Variants in OXCT1 observed in about 807,000 individuals in gnomAD.
OXCT1 encodes the protein 3-oxoacid CoA-transferase 1, also known as succinyl-CoA:3-ketoacid coenzyme A transferase 1, mitochondrial.
A neutral mutation model predicts 69.6 loss-of-function variants in OXCT1; 27 were observed. That is an observed-to-expected ratio of 0.39 (90% CI 0.29 to 0.54). OXCT1 has a LOEUF of 0.54. Ranked by LOEUF, OXCT1 falls within the 20% of genes least tolerant of loss-of-function variation. The pLI, the probability that OXCT1 is intolerant of heterozygous loss-of-function variation, is 0.72. For missense variants in OXCT1, 437 were observed against 650.2 expected (o/e 0.67, Z 3.57); for synonymous variants, 202 against 217.8 (o/e 0.93, Z 0.64).
chr5:41,787,153 T>G (rs904145097), intron 13 of OXCT1, among the ~76,000 whole-genome samples: 1 of 152,214 alleles, frequency 6.6e-6, no homozygotes, highest in Non-Finnish European at 1.5e-5. Flanking sequence ...CTGTGATATA[T>G]CAAAATCCCT....
intron 7 of OXCT1, among the ~76,000 whole-genome samples, chr5:41,811,727 A>G (rs774760395): frequency 5.3e-5 from 8 of 152,048 alleles, no homozygotes; most frequent in Non-Finnish European, 1.2e-4. Flanking sequence ...GCAACCTTTA[A>G]AATGGTGGTA....
At chr5:41,749,708 T>C in intron 14 of OXCT1, 101 bp from the exon 15 acceptor site, 1 of 779,962 alleles carries the variant, frequency 1.3e-6, no homozygotes, top group Non-Finnish European at 2.2e-6. Flanking sequence ...AGAAATTGTC[T>C]CCTAAGTAAA....
intron 3 of OXCT1, 145 bp from the exon 4 acceptor site, chr5:41,853,699 C>G (rs1450359547): frequency 3.4e-6 from 3 of 892,710 alleles, no homozygotes; most frequent in Non-Finnish European, 5.3e-6. Context: ...CTCCCATAAC[C>G]CCAAAACTTT....
At chr5:41,768,551 A>G (rs1744726552) in intron 13 of OXCT1, among the ~76,000 whole-genome samples, 1 of 152,150 alleles carries the variant, frequency 6.6e-6, no homozygotes, top group Non-Finnish European at 1.5e-5. Flanking sequence ...ATGGCCAATC[A>G]TCCACCTCAA....
chr5:41,803,186 TC>T, intron 9 of OXCT1, 23 bp from the exon 10 acceptor site: 2 of 1,473,734 alleles, frequency 1.4e-6, no homozygotes, highest in Non-Finnish European at 1.9e-6. Flanking sequence ...GATGTTAAGG[TC>T]CAGCATATAA....
chr5:41,850,342 A>G (rs1234187216), intron 4 of OXCT1, among the ~76,000 whole-genome samples, 163 bp from the exon 5 acceptor site: 4 of 152,188 alleles, frequency 2.6e-5, no homozygotes, highest in African/African-American at 7.2e-5. Context: ...TAGAAGATCA[A>G]TTTTAAGAAG....
chr5:41,786,745 C>T (rs1745659127), intron 13 of OXCT1, among the ~76,000 whole-genome samples: 1 of 152,204 alleles, frequency 6.6e-6, no homozygotes, highest in Non-Finnish European at 1.5e-5. Context: ...TTCTATCCCA[C>T]ATTTAGAGCT....
chr5:41,844,287 T>C lies in OXCT1; in HGVS notation c.565-1506A>G, dbSNP rs575263292. On this transcript the variant is annotated intron_variant, in intron 5 of 16. Coordinates refer to ENST00000196371, the MANE Select transcript of OXCT1 (RefSeq NM_000436.4). ...TTTCTTGAATCTAATGAGATTTTCA[T>C]CCCCTCTATTCCAAAAAGGAATAAT... Among the ~76,000 whole-genome samples, 297 of 152,312 alleles carry C rather than the reference T, an allele frequency of 1.9e-3. 1 individual carries two copies. Among genetic ancestry groups the C allele is most frequent in the Non-Finnish European group, 3.5e-3 (237 of 68,040 alleles).
rs776233135 is a variant in OXCT1 at position 41,861,324 on chromosome 5, T to C, written c.268A>G (p.Asn90Asp). Residue 90 changes from asparagine to aspartate, a missense_variant, in exon 3 of 17, where the codon AAC becomes GAC. Asn to Asp is a conservative substitution (Grantham distance 23). Transcript: ENST00000196371. ...TGVKGLTAVSNNAGVDNFGLG... is the reference protein window; with the variant it reads ...TGVKGLTAVSDNAGVDNFGLG... ...AAAATGCACACTTACCCTGCATTGT[T>C]GCTGACTGCAGTTAGTCCTTTTACT... 1 of 1,599,016 alleles carries C rather than the reference T, an allele frequency of 6.3e-7. No individual in the cohort carries two copies. The highest frequency in any genetic ancestry group is 8.6e-7 in the Non-Finnish European group (1 of 1,166,512).
At chr5:41,868,708 G>GC (rs1750125678) in intron 1 of OXCT1, among the ~76,000 whole-genome samples, 1 of 151,122 alleles carries the variant, frequency 6.6e-6, no homozygotes, top group African/African-American at 2.4e-5. Context: ...GGGCGACAGA[G>GC]CGAGACTCCG....
chr5:41,780,039 A>T (rs1433359927), intron 13 of OXCT1, among the ~76,000 whole-genome samples: 1 of 152,176 alleles, frequency 6.6e-6, no homozygotes, highest in Admixed American at 6.5e-5. Flanking sequence ...AGTAAAAGTA[A>T]AGAAAATTAG....
At chr5:41,779,638 A>G (rs1313295198) in intron 13 of OXCT1, among the ~76,000 whole-genome samples, 1 of 152,208 alleles carries the variant, frequency 6.6e-6, no homozygotes, top group Non-Finnish European at 1.5e-5. Flanking sequence ...CACACAAAGA[A>G]AGTAAAAGAT....
intron 1 of OXCT1, among the ~76,000 whole-genome samples, chr5:41,869,858 G>A (rs543674692): frequency 2.6e-5 from 4 of 152,190 alleles, no homozygotes; most frequent in East Asian, 1.9e-4. Context: ...CCAACATCGG[G>A]GGCGCAAACC....
intron 5 of OXCT1, among the ~76,000 whole-genome samples, chr5:41,843,141 A>C (rs2112410259): frequency 6.6e-6 from 1 of 152,290 alleles, no homozygotes; most frequent in Non-Finnish European, 1.5e-5. Context: ...CCCTGAAAAA[A>C]CAGTTTGCAT....
At chr5:41,847,088 TAAAG>T (rs1748947300) in intron 5 of OXCT1, among the ~76,000 whole-genome samples, 1 of 151,680 alleles carries the variant, frequency 6.6e-6, no homozygotes, top group Non-Finnish European at 1.5e-5. Flanking sequence ...TAAAAAATGA[TAAAG>T]GGGATATCAC....
At chr5:41,810,456 C>T (rs1746915815) in intron 7 of OXCT1, among the ~76,000 whole-genome samples, 1 of 152,068 alleles carries the variant, frequency 6.6e-6, no homozygotes, top group Admixed American at 6.6e-5. Context: ...CTAAGAACAA[C>T]CCGGACTTCT....
chr5:41,761,753 A>T (rs1054447209), intron 14 of OXCT1, among the ~76,000 whole-genome samples: 3 of 152,142 alleles, frequency 2.0e-5, no homozygotes, highest in Non-Finnish European at 2.9e-5. Flanking sequence ...ACAGATAGCA[A>T]CCACTATAAT....
At chr5:41,869,290 G>A (rs1480789687) in intron 1 of OXCT1, among the ~76,000 whole-genome samples, 3 of 152,200 alleles carry the variant, frequency 2.0e-5, no homozygotes, top group Non-Finnish European at 4.4e-5. Flanking sequence ...AGTAAGCACC[G>A]TGTGCATGGC....
intron 14 of OXCT1, among the ~76,000 whole-genome samples, chr5:41,753,707 G>A (rs1743925555): frequency 6.6e-6 from 1 of 152,048 alleles, no homozygotes; most frequent in South Asian, 2.1e-4. Context: ...TCCATTAGAT[G>A]CTGAGCTCAC....
Sources: allele counts gnomAD v4.1 joint callset (sites outside exome capture counted in the v4.1 genomes callset), GRCh38; gene constraint gnomAD v4.1.1; transcripts MANE v1.5; gene names NCBI Gene and HGNC (gene_info 2026-07-23, HGNC 2026-07-21).